PTGFRN: variants seen among roughly 807,000 people sequenced by gnomAD.
PTGFRN encodes prostaglandin F2 receptor inhibitor, also known as prostaglandin F2 receptor negative regulator.
In PTGFRN, 35 loss-of-function variants were observed where a neutral mutation model predicts 83.2. The observed-to-expected ratio is 0.42, with a 90% CI of 0.32 to 0.56. The LOEUF (loss-of-function observed/expected upper bound fraction) is 0.56. PTGFRN is among the 20% of genes least tolerant of loss of function. The pLI is 0.11. For synonymous variants in PTGFRN, 519 were observed against 498.6 expected (o/e 1.04, Z -0.55); for missense variants, 1,051 against 1,179.5 (o/e 0.89, Z 1.60).
intron 6 of PTGFRN, 33 bp downstream of exon 6, chr1:116,967,363 A>T (rs766304259): frequency 1.3e-6 from 2 of 1,576,472 alleles, no homozygotes; most frequent in Non-Finnish European, 1.7e-6. Flanking sequence ...TCATAGGTGG[A>T]GCTAGAAGAG....
intron 8 of PTGFRN, among the ~76,000 whole-genome samples, chr1:116,986,156 C>T (rs541268736): frequency 5.3e-5 from 8 of 149,946 alleles, no homozygotes; most frequent in Non-Finnish European, 1.0e-4. Context: ...CGTAAAGCAC[C>T]TAGCCCAGTG....
At chr1:116,949,694 A>G (rs1355053057) in intron 4 of PTGFRN, 122 bp downstream of exon 4, 2 of 1,372,690 alleles carry the variant, frequency 1.5e-6, no homozygotes, top group South Asian at 1.5e-5. Context: ...CTATTGGTTC[A>G]TGCATACTTT....
intron 1 of PTGFRN, among the ~76,000 whole-genome samples, chr1:116,936,424 A>T (rs1194641573): frequency 1.3e-5 from 2 of 152,208 alleles, no homozygotes; most frequent in Non-Finnish European, 2.9e-5. Flanking sequence ...ATCTGTTCAT[A>T]TCTGCTTTAC....
intron 4 of PTGFRN, among the ~76,000 whole-genome samples, chr1:116,951,628 C>T (rs1035383771): frequency 6.6e-5 from 10 of 152,238 alleles, no homozygotes; most frequent in Admixed American, 2.0e-4. Flanking sequence ...GTAAACCTAA[C>T]GAAAGAGCGA....
intron 7 of PTGFRN, among the ~76,000 whole-genome samples, chr1:116,978,542 T>G (rs1171001004): frequency 6.6e-6 from 1 of 152,210 alleles, no homozygotes; most frequent in Non-Finnish European, 1.5e-5. Flanking sequence ...ATGGGCTTCA[T>G]CCCTGGGATG....
chr1:116,970,303 GT>G (rs900541569), intron 6 of PTGFRN, among the ~76,000 whole-genome samples: 8 of 150,920 alleles, frequency 5.3e-5, no homozygotes, highest in African/African-American at 1.7e-4. Flanking sequence ...TCCATTCTTA[GT>G]TTTTTTTTCA....
chr1:116,925,968 C>T (rs1649648044), intron 1 of PTGFRN, among the ~76,000 whole-genome samples: 1 of 152,192 alleles, frequency 6.6e-6, no homozygotes, highest in East Asian at 1.9e-4. Flanking sequence ...AACTGTTAAA[C>T]AACACTGTAC....
rs114306274 is a variant in PTGFRN at position 116,974,428 on chromosome 1, A to G, written c.2167+105A>G. ...ATGTGGGTTAGGGATAGGATTATCT[A>G]TTTATCCCCTAACTGCCTGGCCCAG... On this transcript the variant is annotated intron_variant, in intron 7 of 8. Coordinates refer to ENST00000393203, the MANE Select transcript of PTGFRN (RefSeq NM_020440.4). 1.3e-3 allele frequency: 1,151 copies of G among 862,648 alleles called. 6 individuals carry two copies. In the African/African-American group the frequency reaches 0.018, roughly 13 times the overall value. 53.4% of individuals were successfully genotyped at this position (862,648 alleles called of 1,614,324 possible).
rs745558808 is a variant in PTGFRN at position 116,986,794 on chromosome 1, C to T, written c.2474-7C>T. ...GACTGGCTTCCCCTTTGATCTCTCC[C>T]TCCCAGTGCTGAACGCCTTCAAGTA... On this transcript the variant is annotated splice_region_variant and splice_polypyrimidine_tract_variant and intron_variant, in intron 8 of 8. Coordinates refer to ENST00000393203, the MANE Select transcript of PTGFRN (RefSeq NM_020440.4). 2.5e-6 allele frequency: 4 copies of T among 1,613,744 alleles called. No individual in the cohort carries two copies. The highest frequency in any genetic ancestry group is 1.7e-5 in the Admixed American group (1 of 60,034).
chr1:116,972,158 G>A (rs1218202179), intron 6 of PTGFRN, among the ~76,000 whole-genome samples: 1 of 152,190 alleles, frequency 6.6e-6, no homozygotes, highest in East Asian at 1.9e-4. Context: ...GCAAGTCCAG[G>A]GTATAAGGCC....
chr1:116,981,618 C>A (rs1034304145), intron 7 of PTGFRN, among the ~76,000 whole-genome samples: 1 of 152,212 alleles, frequency 6.6e-6, no homozygotes, highest in African/African-American at 2.4e-5. Context: ...CTGCAGGACT[C>A]CCAGTTGAAT....
intron 7 of PTGFRN, among the ~76,000 whole-genome samples, chr1:116,981,451 TA>T (rs1472592370): frequency 6.6e-6 from 1 of 152,184 alleles, no homozygotes; most frequent in Non-Finnish European, 1.5e-5. Context: ...GGAAAGAAAC[TA>T]AAAGCAGCTT....
At chr1:116,956,910 G>A (rs1650513174) in intron 4 of PTGFRN, among the ~76,000 whole-genome samples, 1 of 152,146 alleles carries the variant, frequency 6.6e-6, no homozygotes, top group Non-Finnish European at 1.5e-5. Context: ...ACAAAGAAAT[G>A]GAAGAGACAC....
rs990138505 is a variant in PTGFRN at position 116,923,787 on chromosome 1, C to T, written c.49+13535C>T. 3.3e-5 allele frequency among the ~76,000 whole-genome samples: 5 copies of T among 152,060 alleles called. No homozygotes were observed. Among genetic ancestry groups the T allele is most frequent in the African/African-American group, 4.8e-5 (2 of 41,370 alleles). The stretch of plus-strand genomic sequence containing the variant: ...CTGAGCAAAGGGGCAGTAGTACTGC[C>T]GCCTGTAGCGTGGGCCTGGTCTCAC... On this transcript the variant is annotated intron_variant, in intron 1 of 8. Transcript: ENST00000393203. This position sits in a 1 kb window ranked among gnomAD's most constrained non-coding sequence, Gnocchi z 4.0.
intron 4 of PTGFRN, among the ~76,000 whole-genome samples, chr1:116,959,426 C>A (rs1418684118): frequency 6.6e-6 from 1 of 152,172 alleles, no homozygotes; most frequent in Non-Finnish European, 1.5e-5. Context: ...ATTTTGAGTT[C>A]TTTGCATTTT....
At chr1:116,966,186 T>C (rs1650825047) in intron 5 of PTGFRN, among the ~76,000 whole-genome samples, 1 of 152,296 alleles carries the variant, frequency 6.6e-6, no homozygotes, top group Admixed American at 6.5e-5. Context: ...TTCTAATGTG[T>C]ACATGCATAG....
chr1:116,920,841 C>G (rs945085210), intron 1 of PTGFRN, among the ~76,000 whole-genome samples: 5 of 152,160 alleles, frequency 3.3e-5, no homozygotes, highest in Non-Finnish European at 7.4e-5. Context: ...CTAGGCTGGT[C>G]TCGAACTCCT....
In PTGFRN at chr1:116,949,499, C is replaced by T. The variant is rs375968155; in HGVS notation, c.1140C>T (p.Pro380=). Reference sequence around the variant, plus strand: ...ACTGCCACGTGTCCCTGTGGGCACCCGGACACAACAGGAGCTGGCACAAAG... The same window carrying T: ...ACTGCCACGTGTCCCTGTGGGCACCTGGACACAACAGGAGCTGGCACAAAG... ...YYYCHVSLWA[P]GHNRSWHKVA... The change falls in exon 4 of 9, where the codon CCC becomes CCT. Residue 380 remains proline (P), a synonymous_variant. Transcript: ENST00000393203. 42 of 1,614,140 alleles carry T rather than the reference C, an allele frequency of 2.6e-5. No individual in the cohort carries two copies. The highest frequency in any genetic ancestry group is 8.9e-5 in the East Asian group (4 of 44,886).
At chr1:116,950,712 G>A (rs1026759620) in intron 4 of PTGFRN, among the ~76,000 whole-genome samples, 1 of 152,108 alleles carries the variant, frequency 6.6e-6, no homozygotes, top group Non-Finnish European at 1.5e-5. Context: ...GACAGAGGGG[G>A]CAGGGAGAAG....
Sources: allele counts gnomAD v4.1 joint callset (sites outside exome capture counted in the v4.1 genomes callset), GRCh38; gene constraint gnomAD v4.1.1; non-coding constraint Gnocchi (gnomAD v3.1); transcripts MANE v1.5; gene names NCBI Gene and HGNC (gene_info 2026-07-23, HGNC 2026-07-21).